NR2C2: variants seen among roughly 807,000 people sequenced by gnomAD.
NR2C2 encodes nuclear receptor subfamily 2 group C member 2.
NR2C2 carries 6 observed loss-of-function variants against 62.9 expected under a neutral mutation model. The ratio of observed to expected loss-of-function variants is 0.10; its 90% CI spans 0.05 to 0.19. NR2C2 has a LOEUF of 0.19. Among genes scored for constraint, NR2C2 ranks in the 10% least tolerant of loss-of-function variants. The probability of loss-of-function intolerance (pLI) is 1.00; values close to 1 mark genes in which losing one functional copy is unlikely to be tolerated. For missense variants in NR2C2, 479 were observed against 762.7 expected (o/e 0.63, Z 4.38); for synonymous variants, 272 against 273.8 (o/e 0.99, Z 0.07).
intron 4 of NR2C2, among the ~76,000 whole-genome samples, chr3:15,019,657 C>T (rs2041614664): frequency 6.6e-6 from 1 of 151,376 alleles, no homozygotes; most frequent in Admixed American, 6.6e-5. Context: ...ATAAGCCAGA[C>T]ACAGAAAGAC....
intron 2 of NR2C2, among the ~76,000 whole-genome samples, chr3:15,008,805 C>T (rs9917805): frequency 1.4e-3 from 212 of 152,228 alleles, no homozygotes; most frequent in African/African-American, 4.8e-3. Context: ...TGATGAAAAC[C>T]ACAGGACTGA....
intron 12 of NR2C2, chr3:15,038,881 T>C (rs2042176268): frequency 8.6e-6 from 4 of 465,954 alleles, no homozygotes; most frequent in Non-Finnish European, 1.2e-5. Context: ...GAACCAATCA[T>C]GTGGGGCTGT....
At chr3:15,004,722 G>T in intron 2 of NR2C2, 1 of 1,293,580 alleles carries the variant, frequency 7.7e-7, no homozygotes, top group South Asian at 1.6e-5. Context: ...AATTATAACG[G>T]TTGATTTCTC....
chr3:14,989,395 A>G (rs940908040), intron 1 of NR2C2, among the ~76,000 whole-genome samples: 1 of 152,184 alleles, frequency 6.6e-6, no homozygotes, highest in Non-Finnish European at 1.5e-5. Flanking sequence ...ATATGGTTAA[A>G]TGAGCCCAGT....
chr3:15,009,629 T>G (rs938251877), intron 2 of NR2C2, among the ~76,000 whole-genome samples: 1 of 152,220 alleles, frequency 6.6e-6, no homozygotes, highest in East Asian at 1.9e-4. Context: ...CAGTTTGTTA[T>G]AGTTTACAGA....
intron 1 of NR2C2, among the ~76,000 whole-genome samples, chr3:14,961,010 A>G (rs369538545): frequency 2.0e-5 from 3 of 152,246 alleles, no homozygotes; most frequent in African/African-American, 7.2e-5. Flanking sequence ...TATTAAAACA[A>G]TAAACTTATC....
chr3:15,046,973 G>T lies in NR2C2; in HGVS notation c.*3965G>T, dbSNP rs1038487345. 4 of 152,646 alleles carry T rather than the reference G, an allele frequency of 2.6e-5. No homozygotes were observed. The highest frequency in any genetic ancestry group is 4.8e-5 in the African/African-American group (2 of 41,446). The allele number at this position is 152,646 out of a possible 1,614,324, so 9.5% of individuals were successfully genotyped here. The stretch of plus-strand genomic sequence containing the variant: ...CCTTCTCATTGTGTGCCTCCCACCA[G>T]CGTGCACTTCGTATGTCCAGCCCTG... On this transcript the variant is annotated 3_prime_UTR_variant, in exon 14 of 14. Transcript: ENST00000425241.
At chr3:14,948,920 G>A (rs2039247225) in intron 1 of NR2C2, among the ~76,000 whole-genome samples, 1 of 152,168 alleles carries the variant, frequency 6.6e-6, no homozygotes, top group Non-Finnish European at 1.5e-5. Flanking sequence ...AGCATTGTTT[G>A]TGGGGCTCTA....
At chr3:15,008,494 C>T (rs1274717797) in intron 2 of NR2C2, among the ~76,000 whole-genome samples, 1 of 151,512 alleles carries the variant, frequency 6.6e-6, no homozygotes, top group Non-Finnish European at 1.5e-5. Context: ...TGCACTCCAG[C>T]CTGGGTGACA....
chr3:15,030,973 C>T (rs2041964518), intron 9 of NR2C2, among the ~76,000 whole-genome samples: 4 of 152,188 alleles, frequency 2.6e-5, no homozygotes, highest in African/African-American at 9.7e-5. Flanking sequence ...CTCACAGTGC[C>T]ATTTGGTTCT....
chr3:15,009,500 A>G (rs1210658178), intron 2 of NR2C2, among the ~76,000 whole-genome samples: 3 of 152,206 alleles, frequency 2.0e-5, no homozygotes, highest in Admixed American at 6.5e-5. Context: ...ATCATGTTCA[A>G]ACAAATTCAT....
At chr3:15,018,724 A>C (rs545486399) in intron 4 of NR2C2, among the ~76,000 whole-genome samples, 1 of 152,204 alleles carries the variant, frequency 6.6e-6, no homozygotes, top group South Asian at 2.1e-4. Flanking sequence ...TTTATGAGAT[A>C]TATATTTTTT....
intron 13 of NR2C2, among the ~76,000 whole-genome samples, chr3:15,040,175 A>AC (rs1429981629): frequency 2.0e-5 from 3 of 152,076 alleles, no homozygotes; most frequent in South Asian, 2.1e-4. Flanking sequence ...ACAAAAAAAA[A>AC]AACAACAAAA....
chr3:14,963,354 G>A (rs1219583263), intron 1 of NR2C2, among the ~76,000 whole-genome samples: 1 of 152,178 alleles, frequency 6.6e-6, no homozygotes, highest in Non-Finnish European at 1.5e-5. Flanking sequence ...TTAGCCAAAG[G>A]CACTGTATAG....
chr3:14,950,425 G>T (rs1455136441), intron 1 of NR2C2, among the ~76,000 whole-genome samples: 1 of 152,156 alleles, frequency 6.6e-6, no homozygotes, highest in Non-Finnish European at 1.5e-5. Context: ...ACCTTTCCAA[G>T]GCTTTTCATT....
intron 1 of NR2C2, among the ~76,000 whole-genome samples, chr3:14,969,861 G>T (rs1204702688): frequency 6.6e-6 from 1 of 152,116 alleles, no homozygotes; most frequent in Non-Finnish European, 1.5e-5. Context: ...ACATTTCCAT[G>T]TAAGGGAATG....
chr3:15,031,258 T>TC (rs763059710), intron 9 of NR2C2, among the ~76,000 whole-genome samples: 1 of 152,202 alleles, frequency 6.6e-6, no homozygotes, highest in Admixed American at 6.5e-5. Context: ...TCATGGGTGT[T>TC]CCCCGTGCTG....
At position 15,044,334 on chromosome 3, in the gene NR2C2, C is replaced by A. The variant is rs961504612; in HGVS notation, c.*1326C>A. On this transcript the variant is annotated 3_prime_UTR_variant, in exon 14 of 14. Coordinates refer to ENST00000425241, the MANE Select transcript of NR2C2 (RefSeq NM_001291694.2). ...TTGGTTCCCCCAGGTGTGTGCCAGC[C>A]GACCACCCCGGAGCATTTTAAATGC... is the stretch of plus-strand genomic sequence containing the variant. 1 of 152,180 alleles carries A rather than the reference C, an allele frequency of 6.6e-6. No homozygotes were observed. The highest frequency in any genetic ancestry group is 2.4e-5 in the African/African-American group (1 of 41,438). 9.4% of individuals were successfully genotyped at this position (152,180 alleles called of 1,614,324 possible). A position where few individuals can be genotyped will look rare whatever the true frequency, so the allele number is the denominator to read the frequency against.
intron 1 of NR2C2, among the ~76,000 whole-genome samples, chr3:14,987,754 A>G (rs2040550645): frequency 6.6e-6 from 1 of 152,254 alleles, no homozygotes; most frequent in African/African-American, 2.4e-5. Flanking sequence ...CCTGAAATAC[A>G]GTGCCTGGAA....
Sources: gnomAD v4.1 joint callset for allele counts (sites outside exome capture counted in the v4.1 genomes callset) on GRCh38, gnomAD v4.1.1 for gene constraint, MANE v1.5 for transcripts, NCBI Gene and HGNC (gene_info 2026-07-23, HGNC 2026-07-21) for gene names.